LUZP2: variants seen among roughly 807,000 people sequenced by gnomAD.
LUZP2 encodes leucine zipper protein 2.
Under a neutral mutation model 51.6 loss-of-function variants are expected in LUZP2, and 52 were observed. The ratio of observed to expected loss-of-function variants is 1.01; its 90% CI spans 0.81 to 1.27. The LOEUF is 1.27. Among genes scored for constraint, LUZP2 ranks in the 50% most tolerant of loss-of-function variants. The pLI, the probability that LUZP2 is intolerant of heterozygous loss-of-function variation, is 0.00. For missense variants in LUZP2, 436 were observed against 395.4 expected, an observed-to-expected ratio of 1.10 and a Z score of -0.87; for synonymous variants, 154 against 137.3, an observed-to-expected ratio of 1.12 and a Z score of -0.85.
chr11:24,932,450 T>C (rs1020674524), intron 7 of LUZP2, among the ~76,000 whole-genome samples: 2 of 152,144 alleles, frequency 1.3e-5, no homozygotes, highest in African/African-American at 4.8e-5. Context: ...GTTTGAGCTG[T>C]GGCTCTTCTT....
intron 3 of LUZP2, among the ~76,000 whole-genome samples, chr11:24,735,366 AAGG>A (rs2133978304): frequency 6.6e-6 from 1 of 152,006 alleles, no homozygotes; most frequent in Non-Finnish European, 1.5e-5. Context: ...TAACCACAAC[AAGG>A]AGAATAAGAA....
chr11:25,039,076 G>A (rs138864136), intron 9 of LUZP2, among the ~76,000 whole-genome samples: 8 of 152,268 alleles, frequency 5.3e-5, no homozygotes, highest in Non-Finnish European at 1.2e-4. Flanking sequence ...CACCAGGTCC[G>A]CTCCTTGGTC....
In LUZP2 at chr11:25,077,646, C is replaced by T. The variant is rs191547533; in HGVS notation, c.936+240C>T. ...TCCCGAGTAGCTGGGACTACAGGCGCCCACCACCACGCCCAAATTTTTTGT... is the reference window on the plus strand; with the variant it reads ...TCCCGAGTAGCTGGGACTACAGGCGTCCACCACCACGCCCAAATTTTTTGT... On this transcript the variant is annotated intron_variant, in intron 11 of 11. Transcript: ENST00000336930. Among the ~76,000 whole-genome samples the T allele has an allele frequency of 3.4e-3, 516 of 151,448 alleles. 5 individuals carry two copies. Among genetic ancestry groups the T allele is most frequent in the African/African-American group, 0.012 (483 of 41,328 alleles).
In LUZP2 at chr11:24,870,956, A is replaced by AT. The variant is rs753514034; in HGVS notation, c.397-35028dup. On this transcript the variant is annotated intron_variant, in intron 5 of 11. Coordinates refer to ENST00000336930, the MANE Select transcript of LUZP2 (RefSeq NM_001009909.4). ...CAGTTAACCATTTTTTTGGTAGAACATTTTTTTGCTTACATATTTTATACT... is the reference window on the plus strand; with the variant it reads ...CAGTTAACCATTTTTTTGGTAGAACATTTTTTTTGCTTACATATTTTATACT... 3.3e-5 allele frequency among the ~76,000 whole-genome samples: 5 copies of AT among 151,984 alleles called. 1 individual carries two copies. Among genetic ancestry groups the AT allele is most frequent in the Admixed American group, 2.0e-4 (3 of 15,230 alleles).
At chr11:24,811,363 T>C (rs567342855) in intron 5 of LUZP2, among the ~76,000 whole-genome samples, 1 of 152,306 alleles carries the variant, frequency 6.6e-6, no homozygotes, top group South Asian at 2.1e-4. Context: ...TAATAGCCTC[T>C]GAAATATAAC....
chr11:25,005,525 G>T (rs1856808711), intron 9 of LUZP2, among the ~76,000 whole-genome samples: 1 of 152,114 alleles, frequency 6.6e-6, no homozygotes, highest in South Asian at 2.1e-4. Flanking sequence ...GGGTTTGCAG[G>T]TCAAATTGGT....
intron 7 of LUZP2, among the ~76,000 whole-genome samples, chr11:24,931,197 G>A (rs1854437470): frequency 6.7e-6 from 1 of 150,116 alleles, no homozygotes; most frequent in African/African-American, 2.5e-5. Flanking sequence ...ATGACAGAGT[G>A]AGACTCTGTC....
At chr11:24,996,011 T>A (rs1415947449) in intron 9 of LUZP2, among the ~76,000 whole-genome samples, 2 of 151,214 alleles carry the variant, frequency 1.3e-5, no homozygotes, top group Admixed American at 6.6e-5. Context: ...TTCTTCTATC[T>A]ATAGGTTCTA....
Position 24,545,352 on chromosome 11 carries a change from T to G in LUZP2, c.62+48047T>G, listed in dbSNP as rs1851506403. Among the ~76,000 whole-genome samples the G allele has an allele frequency of 2.0e-5, 3 of 151,868 alleles. No homozygotes were observed. In the Admixed American group the frequency reaches 2.0e-4, roughly 10 times the overall value. On this transcript the variant is annotated intron_variant, in intron 1 of 11. Coordinates refer to ENST00000336930, the MANE Select transcript of LUZP2 (RefSeq NM_001009909.4). ...CTTCATCATGAATTCTTTGCTCCTT[T>G]TTATTTCCAGAATGGTATTGTCTAG...
intron 9 of LUZP2, among the ~76,000 whole-genome samples, chr11:24,989,206 G>T (rs1052998387): frequency 6.6e-6 from 1 of 151,960 alleles, no homozygotes; most frequent in Non-Finnish European, 1.5e-5. Context: ...ATGGGAATGG[G>T]CTACCTTACT....
chr11:25,050,193 G>C, intron 10 of LUZP2, 63 bp downstream of exon 10: 1 of 858,804 alleles, frequency 1.2e-6, no homozygotes, highest in Non-Finnish European at 1.7e-6. Context: ...AAGCATTTTA[G>C]CAATTCTAAT....
chr11:24,742,186 T>C (rs1332713887), intron 4 of LUZP2, among the ~76,000 whole-genome samples: 1 of 150,644 alleles, frequency 6.6e-6, no homozygotes, highest in Non-Finnish European at 1.5e-5. Context: ...CTTTTTCATA[T>C]AATGACTAAT....
intron 7 of LUZP2, among the ~76,000 whole-genome samples, chr11:24,955,146 G>A (rs745414617): frequency 1.1e-4 from 17 of 151,894 alleles, no homozygotes; most frequent in Non-Finnish European, 1.8e-4. Context: ...CAAATGGAAC[G>A]CCCGTATAAT....
At chr11:24,966,462 A>T (rs572677515) in intron 7 of LUZP2, among the ~76,000 whole-genome samples, 1 of 150,422 alleles carries the variant, frequency 6.6e-6, no homozygotes, top group Non-Finnish European at 1.5e-5. Context: ...TTTAAGAAAT[A>T]TTTGTCTATC....
In LUZP2 at chr11:24,702,755, G is replaced by T. The variant is rs148918634; in HGVS notation, c.63-26414G>T. ...GACAACCATTCAAATCATATCAGTG[G>T]CCAAGCAGTGTGGATCTTCTATGTG... On this transcript the variant is annotated intron_variant, in intron 1 of 11. Coordinates refer to ENST00000336930, the MANE Select transcript of LUZP2 (RefSeq NM_001009909.4). 1.2e-4 allele frequency among the ~76,000 whole-genome samples: 19 copies of T among 152,250 alleles called. No individual in the cohort carries two copies. The East Asian group carries it at 1.7e-3, about 14-fold the overall frequency.
chr11:24,722,778 G>A (rs1401013139), intron 1 of LUZP2, among the ~76,000 whole-genome samples: 6 of 151,842 alleles, frequency 4.0e-5, no homozygotes, highest in South Asian at 2.1e-4. Context: ...TTAGCTGGGC[G>A]TGGGGGTGCA....
At chr11:24,639,474 G>A (rs1004023930) in intron 1 of LUZP2, among the ~76,000 whole-genome samples, 1 of 151,426 alleles carries the variant, frequency 6.6e-6, no homozygotes, top group Admixed American at 6.6e-5. Flanking sequence ...GTTTTGAGAC[G>A]GAGTTTCACT....
intron 7 of LUZP2, among the ~76,000 whole-genome samples, chr11:24,915,905 G>T (rs1219218729): frequency 6.6e-6 from 1 of 152,102 alleles, no homozygotes; most frequent in Non-Finnish European, 1.5e-5. Flanking sequence ...TGACAAACTG[G>T]TGAACCCTGA....
intron 5 of LUZP2, among the ~76,000 whole-genome samples, chr11:24,861,110 C>T (rs970823008): frequency 3.9e-5 from 6 of 152,044 alleles, no homozygotes; most frequent in Admixed American, 1.3e-4. Flanking sequence ...GGAATGTAAA[C>T]GACCTGATGA....
Sources: gnomAD v4.1 joint callset for allele counts (sites outside exome capture counted in the v4.1 genomes callset) on GRCh38, gnomAD v4.1.1 for gene constraint, MANE v1.5 for transcripts, NCBI Gene and HGNC (gene_info 2026-07-23, HGNC 2026-07-21) for gene names.